Variants in PTPRD observed in about 807,000 individuals in gnomAD.
PTPRD encodes the protein protein tyrosine phosphatase receptor type D.
A neutral mutation model predicts 214.5 loss-of-function variants in PTPRD; 34 were observed. That is an observed-to-expected ratio of 0.16 (90% CI 0.12 to 0.21). The LOEUF (loss-of-function observed/expected upper bound fraction) is 0.21. Among genes scored for constraint, PTPRD ranks in the 10% least tolerant of loss-of-function variants. The pLI is 1.00. For synonymous variants in PTPRD, 1,128 were observed against 845.7 expected, an observed-to-expected ratio of 1.33 and a Z score of -5.79; for missense variants, 2,545 against 2,398.7, an observed-to-expected ratio of 1.06 and a Z score of -1.27.
chr9:9,771,215 A>C lies in PTPRD; in HGVS notation c.-367-4364T>G, dbSNP rs1277999315. 2.0e-5 allele frequency among the ~76,000 whole-genome samples: 3 copies of C among 152,194 alleles called. No individual in the cohort carries two copies. In the East Asian group the frequency reaches 5.8e-4, roughly 29 times the overall value. On this transcript the variant is annotated intron_variant, in intron 5 of 45. Transcript: ENST00000381196. ...AAATTTGACTACATAATATATCTAT[A>C]TAATTTCCAGAGATACACATAGAGT...
At chr9:9,822,367 C>T (rs999822020) in intron 5 of PTPRD, among the ~76,000 whole-genome samples, 5 of 150,908 alleles carry the variant, frequency 3.3e-5, no homozygotes, top group Non-Finnish European at 7.4e-5. Context: ...GCCAAGATCA[C>T]ACCACTGCAT....
intron 4 of PTPRD, among the ~76,000 whole-genome samples, chr9:9,955,745 G>T (rs966290117): frequency 6.6e-6 from 1 of 152,054 alleles, no homozygotes; most frequent in South Asian, 2.1e-4. Flanking sequence ...GGATGGTCTC[G>T]ATCTCCTGAC....
At chr9:9,936,892 G>T (rs1014179483) in intron 5 of PTPRD, among the ~76,000 whole-genome samples, 1 of 146,400 alleles carries the variant, frequency 6.8e-6, no homozygotes, top group African/African-American at 2.6e-5. Context: ...ATACTATGCA[G>T]CCATAAAAAA....
intron 2 of PTPRD, among the ~76,000 whole-genome samples, chr9:10,544,792 T>G (rs186266035): frequency 6.6e-6 from 1 of 152,224 alleles, no homozygotes; most frequent in South Asian, 2.1e-4. Context: ...TTCACTTTAA[T>G]GCTTATCAGC....
chr9:10,221,323 A>C (rs558849128), intron 3 of PTPRD, among the ~76,000 whole-genome samples: 58 of 152,170 alleles, frequency 3.8e-4, no homozygotes, highest in African/African-American at 1.4e-3. Context: ...AAACACAGAC[A>C]CACACCTCTG....
At chr9:8,909,002 T>G (rs2098728040) in intron 11 of PTPRD, among the ~76,000 whole-genome samples, 1 of 150,838 alleles carries the variant, frequency 6.6e-6, no homozygotes, top group Admixed American at 6.6e-5. Context: ...TATATAATTA[T>G]GGAAAACTTT....
At position 8,484,188 on chromosome 9, in the gene PTPRD, A is replaced by G. The variant is rs150953872; in HGVS notation, c.3344T>C (p.Ile1115Thr). The change falls in exon 30 of 46, where the codon ATT becomes ACT. Residue 1115 changes from isoleucine (I) to threonine (T), a missense_variant. Physicochemically the swap from Ile to Thr is moderately conservative, Grantham distance 89 (BLOSUM62 -1). Transcript: ENST00000381196. ...CATGCCATCCAAGTTGGTCTTCCCA[A>G]TGAAGGCAGGCTTGGTACGTAATAC... ...PDVLRTKPAF[I>T]GKTNLDGMIT... 30 of 1,614,066 alleles carry G rather than the reference A, an allele frequency of 1.9e-5. No individual in the cohort carries two copies. The highest frequency in any genetic ancestry group is 7.7e-5 in the South Asian group (7 of 91,086).
chr9:8,526,876 T>C (rs1471695953), intron 16 of PTPRD, among the ~76,000 whole-genome samples: 1 of 152,092 alleles, frequency 6.6e-6, no homozygotes, highest in Non-Finnish European at 1.5e-5. Flanking sequence ...ATAGGCAGCA[T>C]TGCCTTTCTC....
At chr9:8,980,161 G>A (rs948815604) in intron 11 of PTPRD, among the ~76,000 whole-genome samples, 1 of 151,884 alleles carries the variant, frequency 6.6e-6, no homozygotes, top group African/African-American at 2.4e-5. Flanking sequence ...TCTCACATAT[G>A]TGAATTTTTT....
At position 9,653,348 on chromosome 9, in the gene PTPRD, C is replaced by CAAA. The variant is rs1175875551; in HGVS notation, c.-286-78570_-286-78568dup. Among the ~76,000 whole-genome samples the CAAA allele has an allele frequency of 1.2e-3, 39 of 32,508 alleles. 12 individuals are homozygous for CAAA. The highest frequency in any genetic ancestry group is 2.3e-3 in the Admixed American group (4 of 1,716). 21.3% of individuals were successfully genotyped at this position (32,508 alleles called of 152,430 possible). The stretch of plus-strand genomic sequence containing the variant: ...TGGGCGACAGAGCGAGACTCCGTCT[C>CAAA]AAAAAAAAAAAAAAAAAAAAAAAAA... On this transcript the variant is annotated intron_variant, in intron 7 of 45. Coordinates refer to ENST00000381196, the MANE Select transcript of PTPRD (RefSeq NM_002839.4).
intron 11 of PTPRD, among the ~76,000 whole-genome samples, chr9:8,870,533 C>G (rs754792346): frequency 6.6e-6 from 1 of 152,130 alleles, no homozygotes; most frequent in Non-Finnish European, 1.5e-5. Flanking sequence ...GGTTCACCAC[C>G]CCAACCTTAG....
intron 3 of PTPRD, among the ~76,000 whole-genome samples, chr9:10,106,956 A>C (rs2098639488): frequency 6.6e-6 from 1 of 151,808 alleles, no homozygotes; most frequent in Non-Finnish European, 1.5e-5. Context: ...AGAAGAGGAA[A>C]AGGTAACAGC....
chr9:9,731,801 T>G (rs2098198937), intron 7 of PTPRD, among the ~76,000 whole-genome samples: 1 of 152,114 alleles, frequency 6.6e-6, no homozygotes, highest in South Asian at 2.1e-4. Flanking sequence ...TAAGTAAAGG[T>G]GAAATCCTAA....
At chr9:9,886,811 GCCATGCTTTGATGAAGTTCAAATTAAC>G in intron 5 of PTPRD, among the ~76,000 whole-genome samples, 1 of 152,206 alleles carries the variant, frequency 6.6e-6, no homozygotes, top group Non-Finnish European at 1.5e-5. Flanking sequence ...CCTTACTGCT[GCCATGCTTTGATGAAGTTCAAATTAAC>G]CCACGTGGAG....
chr9:9,991,238 A>G (rs2095906156), intron 4 of PTPRD, among the ~76,000 whole-genome samples: 1 of 150,982 alleles, frequency 6.6e-6, no homozygotes, highest in South Asian at 2.1e-4. Context: ...CCGGCTGAGT[A>G]AAATATTCTC....
intron 10 of PTPRD, among the ~76,000 whole-genome samples, chr9:9,057,426 C>G (rs58507292): frequency 0.044 from 6,666 of 152,080 alleles, 440 homozygotes; most frequent in African/African-American, 0.14. Context: ...TAAATTAAAA[C>G]TTTTTGGGTG....
intron 3 of PTPRD, among the ~76,000 whole-genome samples, chr9:10,335,220 T>TA (rs1367314634): frequency 1.3e-5 from 2 of 151,740 alleles, no homozygotes; most frequent in African/African-American, 4.8e-5. Context: ...GACTGTGTGG[T>TA]ACTGGCAAAA....
intron 6 of PTPRD, among the ~76,000 whole-genome samples, chr9:9,758,491 G>A (rs866520369): frequency 5.3e-5 from 8 of 152,214 alleles, no homozygotes; most frequent in Non-Finnish European, 4.4e-5. Flanking sequence ...GTAATCTGAA[G>A]AATCACCAAA....
chr9:8,772,493 T>G (rs754592609), intron 11 of PTPRD, among the ~76,000 whole-genome samples: 1 of 151,514 alleles, frequency 6.6e-6, no homozygotes, highest in Non-Finnish European at 1.5e-5. Context: ...TACAAAAAAT[T>G]GAAAAATCAG....
Sources: allele counts gnomAD v4.1 joint callset (sites outside exome capture counted in the v4.1 genomes callset), GRCh38; gene constraint gnomAD v4.1.1; transcripts MANE v1.5; gene names NCBI Gene and HGNC (gene_info 2026-07-23, HGNC 2026-07-21).